Variants in METTL8 observed in about 807,000 individuals in gnomAD.
METTL8 encodes the protein methyltransferase 8, tRNA N3-cytidine.
METTL8 carries 32 observed loss-of-function variants against 48.7 expected under a neutral mutation model. The observed-to-expected ratio is 0.66, with a 90% CI of 0.50 to 0.88. The LOEUF (loss-of-function observed/expected upper bound fraction) is 0.88. METTL8 is among the 40% of genes least tolerant of loss of function. The pLI is 0.00. For missense variants in METTL8, 464 were observed against 474.4 expected (o/e 0.98, Z 0.20); for synonymous variants, 136 against 157.1 (o/e 0.87, Z 1.01).
chr2:171,400,644 A>C (rs1375873257), intron 1 of METTL8, among the ~76,000 whole-genome samples: 1 of 152,162 alleles, frequency 6.6e-6, no homozygotes, highest in Non-Finnish European at 1.5e-5. Context: ...GTGCAGACAA[A>C]AGGCTCTTGC....
intron 1 of METTL8, 54 bp from the exon 2 acceptor site, chr2:171,392,251 T>TA: frequency 1.4e-6 from 2 of 1,426,948 alleles, no homozygotes; most frequent in Non-Finnish European, 1.9e-6. Context: ...GTGTATTGTT[T>TA]ATCTAATACC....
rs552006850 is a variant in METTL8, at chr2:171,317,073, T to C, written c.*7099A>G. On this transcript the variant is annotated 3_prime_UTR_variant, in exon 10 of 10. Coordinates refer to ENST00000375258, the MANE Select transcript of METTL8 (RefSeq NM_001321154.2). ...GTTGCTTGTGCTAAGTACAGAGCAT[T>C]AAAAACAAAAAACAAAAAAGCCCCA... Among the ~76,000 whole-genome samples the C allele has an allele frequency of 1.3e-5, 2 of 152,086 alleles. No homozygotes were observed. Among genetic ancestry groups the C allele is most frequent in the Non-Finnish European group, 2.9e-5 (2 of 68,016 alleles).
chr2:171,414,055 A>G (rs1246558553), intron 1 of METTL8, among the ~76,000 whole-genome samples: 2 of 152,218 alleles, frequency 1.3e-5, no homozygotes, highest in Non-Finnish European at 2.9e-5. Flanking sequence ...TACAATACAA[A>G]TATTAATTTT....
At chr2:171,395,066 C>A (rs1688928946) in intron 1 of METTL8, among the ~76,000 whole-genome samples, 1 of 152,274 alleles carries the variant, frequency 6.6e-6, no homozygotes, top group South Asian at 2.1e-4. Flanking sequence ...GGGCCAGCCC[C>A]AAATAAAATT....
intron 1 of METTL8, among the ~76,000 whole-genome samples, chr2:171,420,325 T>C (rs1691747154): frequency 6.6e-6 from 1 of 152,204 alleles, no homozygotes; most frequent in Non-Finnish European, 1.5e-5. Context: ...GACTATTCTT[T>C]TGTCTTTTCA....
intron 1 of METTL8, among the ~76,000 whole-genome samples, chr2:171,410,934 T>A (rs1047636205): frequency 1.3e-5 from 2 of 152,246 alleles, no homozygotes; most frequent in African/African-American, 4.8e-5. Flanking sequence ...TATCCTTAAA[T>A]GTTACTCTTT....
chr2:171,434,162 C>CAGGCAG, upstream of METTL8: 1 of 351,240 alleles, frequency 2.8e-6, no homozygotes, highest in Non-Finnish European at 5.7e-6. Flanking sequence ...GGGGCCGCGG[C>CAGGCAG]AGGCAGAGGC....
At chr2:171,325,076 T>C (rs977082544) in intron 9 of METTL8, among the ~76,000 whole-genome samples, 2 of 147,056 alleles carry the variant, frequency 1.4e-5, no homozygotes, top group African/African-American at 2.5e-5. Context: ...GAGCTGAGAT[T>C]GTGCCACTGC....
intron 2 of METTL8, among the ~76,000 whole-genome samples, chr2:171,391,215 AC>A (rs1450090077): frequency 6.6e-6 from 1 of 152,214 alleles, no homozygotes; most frequent in African/African-American, 2.4e-5. Context: ...GCAAGAAATT[AC>A]TTTTTAATTA....
At chr2:171,347,691 G>A (rs1683421061) in intron 3 of METTL8, among the ~76,000 whole-genome samples, 1 of 152,196 alleles carries the variant, frequency 6.6e-6, no homozygotes, top group Non-Finnish European at 1.5e-5. Context: ...TGAGTAATGT[G>A]GAAAATATGT....
At chr2:171,399,956 T>C (rs996747690) in intron 1 of METTL8, among the ~76,000 whole-genome samples, 8 of 151,962 alleles carry the variant, frequency 5.3e-5, no homozygotes, top group East Asian at 1.9e-4. Flanking sequence ...CTGGGCAACA[T>C]AGAGAGACCT....
In METTL8 at chr2:171,387,342, A is replaced by T. The variant is rs568843897; in HGVS notation, c.143+4701T>A. Among the ~76,000 whole-genome samples, 10 of 152,148 alleles carry T rather than the reference A, an allele frequency of 6.6e-5. No homozygotes were observed. The South Asian group carries it at 2.1e-3, about 32-fold the overall frequency. On this transcript the variant is annotated intron_variant, in intron 2 of 9. Transcript: ENST00000375258. ...CAGCGGGGCACTGAAGAAGTGAGCCACACCCCCATCGCACATCCAGCGAGG... is the reference window on the plus strand; with the variant it reads ...CAGCGGGGCACTGAAGAAGTGAGCCTCACCCCCATCGCACATCCAGCGAGG...
At chr2:171,375,457 C>T (rs1320737011) in intron 2 of METTL8, among the ~76,000 whole-genome samples, 1 of 152,204 alleles carries the variant, frequency 6.6e-6, no homozygotes, top group African/African-American at 2.4e-5. Flanking sequence ...AGTTCCTCTA[C>T]ATCCTTATCA....
chr2:171,349,186 C>A (rs1442474238), intron 3 of METTL8, among the ~76,000 whole-genome samples: 1 of 152,018 alleles, frequency 6.6e-6, no homozygotes, highest in Non-Finnish European at 1.5e-5. Flanking sequence ...AAAAGTAGAT[C>A]CCCAAATTAT....
upstream of METTL8, chr2:171,434,055 G>T (rs893948124): frequency 3.4e-6 from 1 of 293,012 alleles, no homozygotes; most frequent in South Asian, 2.8e-5. Flanking sequence ...ACCTGGAGGC[G>T]GCAGCACCGC....
At chr2:171,356,293 C>G (rs1270551366) in intron 3 of METTL8, among the ~76,000 whole-genome samples, 1 of 152,158 alleles carries the variant, frequency 6.6e-6, no homozygotes, top group Non-Finnish European at 1.5e-5. Context: ...GTGTGTGCCA[C>G]CAGACCCGGC....
At chr2:171,358,970 A>G (rs562653847) in intron 3 of METTL8, among the ~76,000 whole-genome samples, 2 of 152,202 alleles carry the variant, frequency 1.3e-5, no homozygotes, top group East Asian at 3.9e-4. Context: ...AAACAACTCA[A>G]TAGGAAGAAA....
At chr2:171,365,856 A>G (rs1685662340) in intron 2 of METTL8, among the ~76,000 whole-genome samples, 1 of 152,234 alleles carries the variant, frequency 6.6e-6, no homozygotes, top group Non-Finnish European at 1.5e-5. Flanking sequence ...CTGATCCTTA[A>G]GAGAAGAAAA....
chr2:171,410,157 T>A (rs1690601225), intron 1 of METTL8, among the ~76,000 whole-genome samples: 1 of 152,188 alleles, frequency 6.6e-6, no homozygotes, highest in Admixed American at 6.5e-5. Flanking sequence ...CTATGAACGG[T>A]CTTATTCCTA....
Sources: allele counts gnomAD v4.1 joint callset (sites outside exome capture counted in the v4.1 genomes callset), GRCh38; gene constraint gnomAD v4.1.1; transcripts MANE v1.5; gene names NCBI Gene and HGNC (gene_info 2026-07-23, HGNC 2026-07-21).